Variants in SIDT1 observed in about 807,000 individuals in gnomAD.
SIDT1 encodes the protein SID1 transmembrane family member 1.
SIDT1 carries 101 observed loss-of-function variants against 107.5 expected under a neutral mutation model. That is an observed-to-expected ratio of 0.94 (90% CI 0.80 to 1.11). The LOEUF (loss-of-function observed/expected upper bound fraction) is 1.11, where lower values mean the gene tolerates loss of function less well. SIDT1 is among the 50% of genes least tolerant of loss of function. The pLI is 0.00. For missense variants in SIDT1, 1,076 were observed against 1,058.2 expected (o/e 1.02, Z -0.23); for synonymous variants, 395 against 398.2 (o/e 0.99, Z 0.10).
At chr3:113,605,856 A>T (rs1351032803) in intron 14 of SIDT1, among the ~76,000 whole-genome samples, 1 of 151,954 alleles carries the variant, frequency 6.6e-6, no homozygotes, top group Non-Finnish European at 1.5e-5. Flanking sequence ...ATACAAAAAA[A>T]TTAGCTGAGT....
At chr3:113,555,918 A>G (rs1576748712) in intron 1 of SIDT1, among the ~76,000 whole-genome samples, 2 of 150,560 alleles carry the variant, frequency 1.3e-5, no homozygotes, top group South Asian at 4.2e-4. Flanking sequence ...GGAAACAGAC[A>G]GTCAATAACT....
chr3:113,545,704 C>T (rs1939511388), intron 1 of SIDT1, among the ~76,000 whole-genome samples: 2 of 152,180 alleles, frequency 1.3e-5, no homozygotes. Context: ...TACTAATTCT[C>T]AGTTTTGAAT....
chr3:113,551,724 A>G (rs1940258002), intron 1 of SIDT1, among the ~76,000 whole-genome samples: 2 of 152,110 alleles, frequency 1.3e-5, no homozygotes, highest in South Asian at 4.1e-4. Flanking sequence ...GTAAAACTAT[A>G]AAGTTGTCAA....
intron 1 of SIDT1, among the ~76,000 whole-genome samples, chr3:113,541,614 T>C (rs183979905): frequency 4.5e-4 from 68 of 152,330 alleles, no homozygotes; most frequent in African/African-American, 1.5e-3. Context: ...AAACCCACAA[T>C]TACTTTTGCA....
At chr3:113,538,386 G>T (rs189469385) in intron 1 of SIDT1, among the ~76,000 whole-genome samples, 64 of 152,342 alleles carry the variant, frequency 4.2e-4, no homozygotes, top group Non-Finnish European at 8.1e-4. Context: ...GTGGTAAGTT[G>T]TGTGATGGAT....
rs1189213623 is a variant in SIDT1, at chr3:113,585,166, T to C, written c.908-11T>C. ...AGGATGACCTGACCAAAGTTGTTTCTCTCCCTTCAGAATCTGTTTATGTGA... is the reference window on the plus strand; with the variant it reads ...AGGATGACCTGACCAAAGTTGTTTCCCTCCCTTCAGAATCTGTTTATGTGA... On this transcript the variant is annotated splice_polypyrimidine_tract_variant and intron_variant, in intron 8 of 24. Coordinates refer to ENST00000264852, the MANE Select transcript of SIDT1 (RefSeq NM_017699.3). 1 of 1,605,010 alleles carries C rather than the reference T, an allele frequency of 6.2e-7. No homozygotes were observed. The highest frequency in any genetic ancestry group is 1.3e-5 in the African/African-American group (1 of 74,750).
Position 113,584,639 on chromosome 3 carries a change from A to G in SIDT1, c.836-59A>G. ...TGAACAACAGTTCAGACAAGAGACC[A>G]AAAAAAATCATTATCTGATTCAATG... On this transcript the variant is annotated intron_variant, in intron 7 of 24. Transcript: ENST00000264852. 7 of 1,221,410 alleles carry G rather than the reference A, an allele frequency of 5.7e-6. No homozygotes were observed. In the South Asian group the frequency reaches 9.2e-5, roughly 16 times the overall value. 75.7% of individuals were successfully genotyped at this position (1,221,410 alleles called of 1,614,324 possible). A position where few individuals can be genotyped will look rare whatever the true frequency, so the allele number is the denominator to read the frequency against.
intron 3 of SIDT1, among the ~76,000 whole-genome samples, chr3:113,571,452 T>C (rs1942438590): frequency 6.7e-6 from 1 of 148,338 alleles, no homozygotes; most frequent in Admixed American, 6.8e-5. Context: ...AACTCTACTT[T>C]AAAGCATTGC....
intron 3 of SIDT1, among the ~76,000 whole-genome samples, chr3:113,574,294 G>T (rs1227951644): frequency 1.3e-5 from 2 of 152,214 alleles, no homozygotes; most frequent in East Asian, 1.9e-4. Flanking sequence ...CCAATGACAA[G>T]AAGGTCGGTG....
chr3:113,574,523 A>G lies in SIDT1; in HGVS notation c.516-2399A>G, dbSNP rs78088451. ...CACAGTCCTCTCTGGTGCTCACCTC[A>G]AAAACTACTGAAAGTTTGTCCTGCC... On this transcript the variant is annotated intron_variant, in intron 3 of 24. Coordinates refer to ENST00000264852, the MANE Select transcript of SIDT1 (RefSeq NM_017699.3). Among the ~76,000 whole-genome samples, 206 of 152,270 alleles carry G rather than the reference A, an allele frequency of 1.4e-3. 2 individuals are homozygous for G. Among genetic ancestry groups the G allele is most frequent in the African/African-American group, 4.8e-3 (200 of 41,538 alleles).
intron 7 of SIDT1, 57 bp from the exon 8 acceptor site, chr3:113,584,641 A>G: frequency 7.7e-7 from 1 of 1,300,700 alleles, no homozygotes; most frequent in African/African-American, 1.5e-5. Flanking sequence ...AAGAGACCAA[A>G]AAAAATCATT....
intron 24 of SIDT1, 65 bp downstream of exon 24, chr3:113,626,280 C>A: frequency 2.7e-6 from 3 of 1,091,632 alleles, no homozygotes; most frequent in Non-Finnish European, 4.1e-6. Context: ...TCTTTTTCTT[C>A]TGCTCTTCCT....
chr3:113,594,212 T>C (rs1944382782), intron 10 of SIDT1, among the ~76,000 whole-genome samples: 1 of 152,176 alleles, frequency 6.6e-6, no homozygotes, highest in Non-Finnish European at 1.5e-5. Flanking sequence ...TTTGTCTTCC[T>C]TAATGTCAGC....
intron 10 of SIDT1, 87 bp from the exon 11 acceptor site, chr3:113,601,501 G>A (rs995780707): frequency 2.0e-5 from 18 of 890,610 alleles, no homozygotes; most frequent in Non-Finnish European, 3.3e-5. Flanking sequence ...AAAATAATGT[G>A]CCCTGATGAT....
At chr3:113,636,930 G>T in the SIDT1 span, among the ~76,000 whole-genome samples, 1 of 152,164 alleles carries the variant, frequency 6.6e-6, no homozygotes, top group African/African-American at 2.4e-5. Context: ...CTTAACAACA[G>T]CCCTGTGAAG....
At chr3:113,599,882 G>A (rs1944835690) in intron 10 of SIDT1, among the ~76,000 whole-genome samples, 1 of 152,086 alleles carries the variant, frequency 6.6e-6, no homozygotes, top group African/African-American at 2.4e-5. Flanking sequence ...GATTTTAGGT[G>A]CTCTTATAAC....
At chr3:113,582,882 G>A (rs1179368374) in intron 6 of SIDT1, among the ~76,000 whole-genome samples, 1 of 151,856 alleles carries the variant, frequency 6.6e-6, no homozygotes, top group African/African-American at 2.4e-5. Context: ...GAACTCTAAC[G>A]GACCTTAAAG....
chr3:113,629,925 T>C (rs969202570), downstream of SIDT1, among the ~76,000 whole-genome samples: 6 of 152,218 alleles, frequency 3.9e-5, no homozygotes, highest in Non-Finnish European at 7.3e-5. Flanking sequence ...TAAATGTACA[T>C]GTTGCTAATT....
chr3:113,600,869 T>A (rs1944911527), intron 10 of SIDT1, among the ~76,000 whole-genome samples: 1 of 152,126 alleles, frequency 6.6e-6, no homozygotes, highest in South Asian at 2.1e-4. Context: ...AGAAGAAATT[T>A]ATGAGGGGAT....
Sources: allele counts gnomAD v4.1 joint callset (sites outside exome capture counted in the v4.1 genomes callset), GRCh38; gene constraint gnomAD v4.1.1; transcripts MANE v1.5; gene names NCBI Gene and HGNC (gene_info 2026-07-23, HGNC 2026-07-21).